The following FMN1 variants were observed in gnomAD, a reference collection of about 807,000 sequenced individuals.
The protein encoded by FMN1 is formin-1.
FMN1 carries 110 observed loss-of-function variants against 132.4 expected under a neutral mutation model. The ratio of observed to expected loss-of-function variants is 0.83; its 90% CI spans 0.71 to 0.97. The LOEUF (loss-of-function observed/expected upper bound fraction) is 0.97. Ranked by LOEUF, FMN1 falls within the 50% of genes least tolerant of loss-of-function variation. The pLI is 0.00. For missense variants in FMN1, 1,792 were observed against 1,705.3 expected, an observed-to-expected ratio of 1.05 and a Z score of -0.90; for synonymous variants, 722 against 651.7, an observed-to-expected ratio of 1.11 and a Z score of -1.64.
intron 17 of FMN1, among the ~76,000 whole-genome samples, chr15:32,832,379 C>T (rs897623166): frequency 6.6e-6 from 1 of 152,144 alleles, no homozygotes; most frequent in African/African-American, 2.4e-5. Flanking sequence ...TGCAAAGGAG[C>T]TATTGTTCCT....
chr15:33,109,711 A>AG (rs2039623555), intron 4 of FMN1, among the ~76,000 whole-genome samples: 1 of 151,990 alleles, frequency 6.6e-6, no homozygotes, highest in Non-Finnish European at 1.5e-5. Context: ...GAGGAGGGAG[A>AG]GAAACAGAAA....
At chr15:33,090,093 T>C (rs1280971207) in intron 4 of FMN1, among the ~76,000 whole-genome samples, 6 of 152,242 alleles carry the variant, frequency 3.9e-5, no homozygotes, top group Non-Finnish European at 8.8e-5. Context: ...CTCAAGTTCC[T>C]AGTCCTCTTT....
chr15:33,047,220 T>C (rs1166918972), intron 6 of FMN1, among the ~76,000 whole-genome samples: 1 of 152,232 alleles, frequency 6.6e-6, no homozygotes, highest in Non-Finnish European at 1.5e-5. Flanking sequence ...TCCCTTCTTA[T>C]ATCTTCCTTT....
intron 17 of FMN1, among the ~76,000 whole-genome samples, chr15:32,835,059 T>C (rs1444567923): frequency 6.6e-6 from 1 of 152,206 alleles, no homozygotes; most frequent in African/African-American, 2.4e-5. Context: ...TTTGGGTTTG[T>C]TTGGAAGCAG....
chr15:33,025,369 T>C (rs1238675761), intron 6 of FMN1, among the ~76,000 whole-genome samples: 1 of 152,146 alleles, frequency 6.6e-6, no homozygotes, highest in Non-Finnish European at 1.5e-5. Context: ...TCAACATGTA[T>C]CTTTTTCAGG....
chr15:32,900,361 C>A, intron 13 of FMN1: 1 of 663,614 alleles, frequency 1.5e-6, no homozygotes, highest in Non-Finnish European at 2.8e-6. Flanking sequence ...TGTTTTAATA[C>A]ATGAGGATTA....
At chr15:32,813,042 TC>T (rs1567209240) in intron 17 of FMN1, among the ~76,000 whole-genome samples, 2 of 152,220 alleles carry the variant, frequency 1.3e-5, no homozygotes, top group African/African-American at 4.8e-5. Flanking sequence ...GCTTTTTTTT[TC>T]CTTGTCATTC....
chr15:32,797,677 T>C (rs2057333664), intron 19 of FMN1, among the ~76,000 whole-genome samples: 1 of 152,184 alleles, frequency 6.6e-6, no homozygotes, highest in South Asian at 2.1e-4. Context: ...GATGGGAAGA[T>C]GTGTTGATAA....
At chr15:33,108,208 T>A (rs2039558527) in intron 4 of FMN1, among the ~76,000 whole-genome samples, 1 of 152,084 alleles carries the variant, frequency 6.6e-6, no homozygotes, top group African/African-American at 2.4e-5. Context: ...TTTTGGCAGT[T>A]CTTACTGGCA....
At chr15:32,823,400 G>A (rs1457794133) in intron 17 of FMN1, among the ~76,000 whole-genome samples, 1 of 151,894 alleles carries the variant, frequency 6.6e-6, no homozygotes, top group African/African-American at 2.4e-5. Flanking sequence ...TCCTGACCTC[G>A]TGATCCGCCC....
At chr15:32,861,751 T>C (rs1423412573) in intron 16 of FMN1, among the ~76,000 whole-genome samples, 1 of 152,160 alleles carries the variant, frequency 6.6e-6, no homozygotes, top group East Asian at 1.9e-4. Flanking sequence ...GTTTAGAACA[T>C]AGGGATAATG....
chr15:33,159,233 G>A (rs1480498962), intron 3 of FMN1, among the ~76,000 whole-genome samples: 2 of 152,106 alleles, frequency 1.3e-5, no homozygotes, highest in African/African-American at 4.8e-5. Flanking sequence ...AGGGTCTGGT[G>A]GTTAATTGGA....
rs1000327037 is a variant in FMN1, at chr15:33,154,452, C to T, written c.463G>A (p.Gly155Arg). 5.9e-6 allele frequency: 9 copies of T among 1,536,058 alleles called. No homozygotes were observed. The South Asian group carries it at 5.9e-5, about 10-fold the overall frequency. ...CTAGACCTCCGAGGCTTTTTGTTCCCGTGGGTGCTCCTCTTATTGAGAGGG... is the reference window on the plus strand; with the variant it reads ...CTAGACCTCCGAGGCTTTTTGTTCCTGTGGGTGCTCCTCTTATTGAGAGGG... ...VGPLNKRSTH[G>R]NKKPRRSSGR... The change falls in exon 4 of 21, where the codon GGG (glycine) becomes AGG (arginine). Residue 155 changes from glycine to arginine, a missense_variant. This residue lies in a region of FMN1 where 638 missense variants were observed against 645.2 expected (regional missense o/e 0.99). Transcript: ENST00000616417.
At chr15:33,023,460 A>T (rs1331671336) in intron 6 of FMN1, among the ~76,000 whole-genome samples, 6 of 152,218 alleles carry the variant, frequency 3.9e-5, no homozygotes, top group African/African-American at 1.4e-4. Flanking sequence ...AAGAATAATA[A>T]TCATCATAAA....
chr15:33,076,280 A>C (rs2038204927), intron 5 of FMN1, among the ~76,000 whole-genome samples: 2 of 152,222 alleles, frequency 1.3e-5, no homozygotes, highest in South Asian at 2.1e-4. Context: ...ATTGTGACTA[A>C]GTTGCTCCTG....
intron 4 of FMN1, among the ~76,000 whole-genome samples, chr15:33,124,981 G>C (rs1322197278): frequency 1.3e-5 from 2 of 152,046 alleles, no homozygotes; most frequent in Non-Finnish European, 2.9e-5. Context: ...CAATTCAAAT[G>C]AAGTTATATT....
chr15:33,148,494 T>C (rs1237889710), intron 4 of FMN1, among the ~76,000 whole-genome samples: 4 of 152,196 alleles, frequency 2.6e-5, no homozygotes, highest in Non-Finnish European at 2.9e-5. Context: ...GCTTGGCTCC[T>C]TTACACTCTG....
rs562556627 is a variant in FMN1, at chr15:32,787,419, G to A, written c.4131-10500C>T. 3.9e-5 allele frequency among the ~76,000 whole-genome samples: 6 copies of A among 152,286 alleles called. No individual in the cohort carries two copies. In the South Asian group the frequency reaches 8.3e-4, roughly 21 times the overall value. ...CAGAGTCTGACCTTCGGCCCTGACC[G>A]CTCTGGCACCGACCACCTCCTGTGC... On this transcript the variant is annotated intron_variant, in intron 19 of 20. Coordinates refer to ENST00000616417, the MANE Select transcript of FMN1 (RefSeq NM_001277313.2).
intron 9 of FMN1, among the ~76,000 whole-genome samples, chr15:32,950,917 TCAG>T (rs892087849): frequency 5.9e-5 from 9 of 152,228 alleles, no homozygotes; most frequent in African/African-American, 1.9e-4. Context: ...TTCATTTTGA[TCAG>T]CAGATGTGAT....
Sources: allele counts gnomAD v4.1 joint callset (sites outside exome capture counted in the v4.1 genomes callset), GRCh38; gene constraint gnomAD v4.1.1; regional missense constraint gnomAD v4.1.1; transcripts MANE v1.5; gene names NCBI Gene and HGNC (gene_info 2026-07-23, HGNC 2026-07-21).